Variants in MB21D2 observed in about 807,000 individuals in gnomAD.
The protein encoded by MB21D2 is nucleotidyltransferase MB21D2.
A neutral mutation model predicts 33.3 loss-of-function variants in MB21D2; 9 were observed. The observed-to-expected ratio is 0.27, with a 90% CI of 0.16 to 0.47. The LOEUF (loss-of-function observed/expected upper bound fraction) is 0.47. MB21D2 is among the 20% of genes least tolerant of loss of function. The pLI is 0.99. For synonymous variants in MB21D2, 241 were observed against 236.3 expected (o/e 1.02, Z -0.18); for missense variants, 540 against 624.6 (o/e 0.86, Z 1.44).
chr3:192,861,287 C>T (rs562234133), intron 1 of MB21D2, among the ~76,000 whole-genome samples: 134 of 152,254 alleles, frequency 8.8e-4, no homozygotes, highest in South Asian at 2.9e-3. Context: ...TGCATTCATT[C>T]AAATAGGAAG....
intron 1 of MB21D2, among the ~76,000 whole-genome samples, chr3:192,839,015 C>A (rs1264614814): frequency 6.6e-6 from 1 of 152,128 alleles, no homozygotes; most frequent in Non-Finnish European, 1.5e-5. Flanking sequence ...GCTATGTACA[C>A]CACTTAGCCA....
chr3:192,811,059 C>T (rs1343158803), intron 1 of MB21D2, among the ~76,000 whole-genome samples: 5 of 152,174 alleles, frequency 3.3e-5, no homozygotes, highest in Non-Finnish European at 2.9e-5. Context: ...CATTCTCTCT[C>T]CAGCCACTGC....
intron 1 of MB21D2, among the ~76,000 whole-genome samples, chr3:192,830,378 C>A (rs1384279734): frequency 6.6e-6 from 1 of 152,012 alleles, no homozygotes; most frequent in East Asian, 1.9e-4. Context: ...AGGTTCCATT[C>A]CGCACCCCCA....
At position 192,806,410 on chromosome 3, in the gene MB21D2, A is replaced by G. The variant is rs1180779625; in HGVS notation, c.212-6760T>C. 2.0e-5 allele frequency among the ~76,000 whole-genome samples: 3 copies of G among 152,194 alleles called. No individual in the cohort carries two copies. The East Asian group carries it at 5.8e-4, about 29-fold the overall frequency. On this transcript the variant is annotated intron_variant, in intron 1 of 1. Transcript: ENST00000392452. ...GTGGGTTTCATATCCTGCAAATAGT[A>G]TATTTTCAATCTGTATTTGATTGAA...
chr3:192,881,422 G>A (rs970029013), intron 1 of MB21D2, among the ~76,000 whole-genome samples: 1 of 152,014 alleles, frequency 6.6e-6, no homozygotes, highest in African/African-American at 2.4e-5. Context: ...GATGTTTTAT[G>A]GTTCTAAAAC....
intron 1 of MB21D2, among the ~76,000 whole-genome samples, chr3:192,838,011 CGAG>C (rs1326454175): frequency 2.6e-5 from 4 of 152,314 alleles, no homozygotes; most frequent in African/African-American, 7.2e-5. Context: ...AGTTGAGAAA[CGAG>C]GAGCAGCAGA....
At chr3:192,855,113 T>C (rs1577184715) in intron 1 of MB21D2, among the ~76,000 whole-genome samples, 1 of 152,174 alleles carries the variant, frequency 6.6e-6, no homozygotes. Context: ...TCTTTTTTTT[T>C]CCAAGATGGA....
At position 192,854,853 on chromosome 3, in the gene MB21D2, C is replaced by T. The variant is rs565200983; in HGVS notation, c.212-55203G>A. On this transcript the variant is annotated intron_variant, in intron 1 of 1. Coordinates refer to ENST00000392452, the MANE Select transcript of MB21D2 (RefSeq NM_178496.4). ...TAGATAACAACACATCTGTTTACAGCGTGGTGAATTACTGAATATTTTAAG... is the reference window on the plus strand; with the variant it reads ...TAGATAACAACACATCTGTTTACAGTGTGGTGAATTACTGAATATTTTAAG... Among the ~76,000 whole-genome samples, 10 of 152,308 alleles carry T rather than the reference C, an allele frequency of 6.6e-5. No individual in the cohort carries two copies. The South Asian group carries it at 8.3e-4, about 13-fold the overall frequency.
chr3:192,826,247 G>GC (rs894279992), intron 1 of MB21D2, among the ~76,000 whole-genome samples: 72 of 152,294 alleles, frequency 4.7e-4, no homozygotes, highest in African/African-American at 1.6e-3. Flanking sequence ...ACCAAACTAT[G>GC]CCCTTTGAGT....
chr3:192,846,111 C>T (rs556091642), intron 1 of MB21D2, among the ~76,000 whole-genome samples: 4 of 152,112 alleles, frequency 2.6e-5, no homozygotes, highest in East Asian at 1.9e-4. Flanking sequence ...AAAATTAATG[C>T]CTTTAGCCAA....
At chr3:192,889,566 T>C (rs923622774) in intron 1 of MB21D2, among the ~76,000 whole-genome samples, 2 of 152,216 alleles carry the variant, frequency 1.3e-5, no homozygotes, top group Admixed American at 1.3e-4. Context: ...TACAAGACAC[T>C]TGCCCAGGCC....
intron 1 of MB21D2, among the ~76,000 whole-genome samples, chr3:192,801,466 C>T (rs140002611): frequency 5.0e-4 from 76 of 152,336 alleles, no homozygotes; most frequent in Non-Finnish European, 8.7e-4. Context: ...TCGTGACTCC[C>T]ACTCACATGT....
intron 1 of MB21D2, among the ~76,000 whole-genome samples, chr3:192,856,262 A>G (rs114894793): frequency 0.014 from 2,202 of 152,226 alleles, 47 homozygotes; most frequent in African/African-American, 0.05. Context: ...ACAGACTCTA[A>G]CACTAAACCT....
chr3:192,878,081 C>CTTTTTTTTTTTTTTTT (rs11294126), intron 1 of MB21D2, among the ~76,000 whole-genome samples: 714 of 119,278 alleles, frequency 6.0e-3, no homozygotes, highest in Middle Eastern at 0.017. Context: ...AATTCCTCCT[C>CTTTTTTTTTTTTTTTT]TTTTTTTTTT....
chr3:192,839,157 C>A (rs1712515457), intron 1 of MB21D2, among the ~76,000 whole-genome samples: 1 of 152,142 alleles, frequency 6.6e-6, no homozygotes, highest in African/African-American at 2.4e-5. Context: ...GAAAAAATAG[C>A]TGAGTGCTAT....
At position 192,889,773 on chromosome 3, in the gene MB21D2, G is replaced by A. The variant is rs183827205; in HGVS notation, c.211+27857C>T. The stretch of plus-strand genomic sequence containing the variant: ...GTGTTTTGTGAACTATTTCTAAAGC[G>A]TGCAACATAACAAGAAAACATTATA... On this transcript the variant is annotated intron_variant, in intron 1 of 1. Transcript: ENST00000392452. Among the ~76,000 whole-genome samples, 26 of 152,208 alleles carry A rather than the reference G, an allele frequency of 1.7e-4. 1 individual carries two copies. Among genetic ancestry groups the A allele is most frequent in the South Asian group, 4.1e-4 (2 of 4,830 alleles).
chr3:192,897,462 T>C (rs1307201195), intron 1 of MB21D2, among the ~76,000 whole-genome samples: 2 of 152,188 alleles, frequency 1.3e-5, no homozygotes, highest in Non-Finnish European at 2.9e-5. Context: ...TAGTGAGGAC[T>C]GTGACAAACT....
intron 1 of MB21D2, among the ~76,000 whole-genome samples, chr3:192,891,569 G>T (rs1713854559): frequency 6.6e-6 from 1 of 152,080 alleles, no homozygotes; most frequent in Admixed American, 6.5e-5. Context: ...TCCCTTGCAG[G>T]CTTAGTGTGA....
At chr3:192,885,332 A>G (rs781541073) in intron 1 of MB21D2, among the ~76,000 whole-genome samples, 4 of 152,102 alleles carry the variant, frequency 2.6e-5, no homozygotes, top group Non-Finnish European at 5.9e-5. Flanking sequence ...CTCCCACGAC[A>G]TGCTCTTTGA....
Sources: allele counts gnomAD v4.1 joint callset (sites outside exome capture counted in the v4.1 genomes callset), GRCh38; gene constraint gnomAD v4.1.1; transcripts MANE v1.5; gene names NCBI Gene and HGNC (gene_info 2026-07-23, HGNC 2026-07-21).